Variants in SHISA6 observed in about 807,000 individuals in gnomAD.
The protein encoded by SHISA6 is shisa family member 6.
In SHISA6, 22 loss-of-function variants were observed where a neutral mutation model predicts 47.9. That is an observed-to-expected ratio of 0.46 (90% confidence interval 0.33 to 0.66). The LOEUF (loss-of-function observed/expected upper bound fraction) is 0.66, where lower values mean the gene tolerates loss of function less well. Ranked by LOEUF, SHISA6 falls within the 30% of genes least tolerant of loss-of-function variation. SHISA6 has a pLI of 0.02. For missense variants in SHISA6, 680 were observed against 764.6 expected, an observed-to-expected ratio of 0.89 and a Z score of 1.30; for synonymous variants, 388 against 337.8, an observed-to-expected ratio of 1.15 and a Z score of -1.63.
intron 3 of SHISA6, among the ~76,000 whole-genome samples, chr17:11,456,426 T>C (rs1176238915): frequency 6.6e-6 from 1 of 152,160 alleles, no homozygotes; most frequent in African/African-American, 2.4e-5. Flanking sequence ...CAAACAGAAA[T>C]AAGCAGAAAC....
At chr17:11,312,772 A>G (rs961626359) in intron 2 of SHISA6, among the ~76,000 whole-genome samples, 43 of 152,324 alleles carry the variant, frequency 2.8e-4, no homozygotes, top group Middle Eastern at 3.4e-3. Context: ...ATAATATGGA[A>G]TAAATGTATC....
In SHISA6 at chr17:11,509,315, C is replaced by T. The variant is rs187068188; in HGVS notation, c.896-42581C>T. On this transcript the variant is annotated intron_variant, in intron 3 of 5. Transcript: ENST00000441885. The stretch of plus-strand genomic sequence containing the variant: ...TCTGAGGAGATCCACTCAAAAAGTA[C>T]CTATGCATAGTCAACGACAGCATCA... Among the ~76,000 whole-genome samples, 12 of 152,336 alleles carry T rather than the reference C, an allele frequency of 7.9e-5. No homozygotes were observed. In the East Asian group the frequency reaches 2.3e-3, roughly 29 times the overall value.
At chr17:11,520,347 A>G (rs1436683492) in intron 3 of SHISA6, among the ~76,000 whole-genome samples, 1 of 152,158 alleles carries the variant, frequency 6.6e-6, no homozygotes, top group African/African-American at 2.4e-5. Flanking sequence ...TACACCCCAT[A>G]TATAATGCAT....
In SHISA6 at chr17:11,480,617, G is replaced by T. The variant is rs949950705; in HGVS notation, c.896-71279G>T. Among the ~76,000 whole-genome samples, 7 of 152,246 alleles carry T rather than the reference G, an allele frequency of 4.6e-5. No individual in the cohort carries two copies. In the South Asian group the frequency reaches 1.4e-3, roughly 32 times the overall value. The stretch of plus-strand genomic sequence containing the variant: ...ACTATGCTCCCCACATGGGTTCCAA[G>T]AAGAGACTAGACTCCCCCACATTGA... On this transcript the variant is annotated intron_variant, in intron 3 of 5. Transcript: ENST00000441885.
chr17:11,389,857 C>A (rs921549295), intron 3 of SHISA6, among the ~76,000 whole-genome samples: 2 of 152,138 alleles, frequency 1.3e-5, no homozygotes, highest in Non-Finnish European at 2.9e-5. Context: ...TGCTCACTGC[C>A]AAGAGTCTTA....
At chr17:11,303,251 G>A (rs538004332) in intron 2 of SHISA6, among the ~76,000 whole-genome samples, 1 of 151,748 alleles carries the variant, frequency 6.6e-6, no homozygotes, top group Non-Finnish European at 1.5e-5. Flanking sequence ...GAGTGTGGTT[G>A]TGTGATTGTG....
intron 2 of SHISA6, among the ~76,000 whole-genome samples, chr17:11,297,191 G>T (rs1567564397): frequency 6.6e-6 from 1 of 152,152 alleles, no homozygotes; most frequent in Non-Finnish European, 1.5e-5. Context: ...TTGCCATAGA[G>T]CTCCATCTAG....
At chr17:11,494,499 G>A (rs906938436) in intron 3 of SHISA6, among the ~76,000 whole-genome samples, 3 of 152,202 alleles carry the variant, frequency 2.0e-5, no homozygotes, top group African/African-American at 7.2e-5. Context: ...CAGTGAACAG[G>A]GAGCCTCAGA....
At chr17:11,451,396 T>C (rs1389848575) in intron 3 of SHISA6, among the ~76,000 whole-genome samples, 1 of 152,202 alleles carries the variant, frequency 6.6e-6, no homozygotes, top group Non-Finnish European at 1.5e-5. Flanking sequence ...GCTTTTAGCA[T>C]CTACTATGTG....
chr17:11,399,141 A>G (rs1913679632), intron 3 of SHISA6, among the ~76,000 whole-genome samples: 1 of 152,158 alleles, frequency 6.6e-6, no homozygotes, highest in Admixed American at 6.5e-5. Context: ...GGGCTGTCTG[A>G]TTATAATGTT....
chr17:11,493,561 G>A (rs2071383500), intron 3 of SHISA6, among the ~76,000 whole-genome samples: 1 of 140,082 alleles, frequency 7.1e-6, no homozygotes, highest in African/African-American at 2.6e-5. Context: ...TTGGTACCAT[G>A]TGGATACACG....
At chr17:11,257,148 C>G (rs1291972696) in intron 1 of SHISA6, among the ~76,000 whole-genome samples, 2 of 152,218 alleles carry the variant, frequency 1.3e-5, no homozygotes, top group South Asian at 2.1e-4. Context: ...TGTGCACACA[C>G]AAAGCCAGCA....
chr17:11,242,736 C>A (rs1440372176), intron 1 of SHISA6, among the ~76,000 whole-genome samples: 1 of 152,318 alleles, frequency 6.6e-6, no homozygotes, highest in East Asian at 1.9e-4. Context: ...CTGTGTTAAA[C>A]CTGGTGGGGC....
chr17:11,350,166 A>AT (rs1567581064), intron 2 of SHISA6, among the ~76,000 whole-genome samples: 1 of 110,912 alleles, frequency 9.0e-6, no homozygotes, highest in African/African-American at 3.6e-5. Flanking sequence ...TAATTTATTT[A>AT]TTTATTTATT....
At chr17:11,457,479 C>T (rs1915570394) in intron 3 of SHISA6, among the ~76,000 whole-genome samples, 2 of 151,820 alleles carry the variant, frequency 1.3e-5, no homozygotes, top group South Asian at 2.1e-4. Context: ...TGCCTGTAAT[C>T]CCAGCACTTT....
intron 2 of SHISA6, among the ~76,000 whole-genome samples, chr17:11,266,477 A>G (rs1908427932): frequency 1.3e-5 from 2 of 152,206 alleles, no homozygotes; most frequent in Admixed American, 6.5e-5. Flanking sequence ...GCATTGAAGT[A>G]TGTTCCTCAG....
intron 3 of SHISA6, among the ~76,000 whole-genome samples, chr17:11,481,336 A>ATGTGTG (rs3038693): frequency 4.0e-4 from 57 of 141,502 alleles, no homozygotes; most frequent in African/African-American, 1.3e-3. Context: ...AAAAATATAT[A>ATGTGTG]TGTGTGTGTG....
At chr17:11,459,811 T>C in intron 3 of SHISA6, among the ~76,000 whole-genome samples, 1 of 152,244 alleles carries the variant, frequency 6.6e-6, no homozygotes, top group Non-Finnish European at 1.5e-5. Flanking sequence ...GTTGGAGTTT[T>C]TGAAGCAATT....
intron 2 of SHISA6, among the ~76,000 whole-genome samples, chr17:11,274,432 C>G (rs1328452014): frequency 1.3e-5 from 2 of 152,140 alleles, no homozygotes; most frequent in Non-Finnish European, 2.9e-5. Flanking sequence ...GTGACAGGAG[C>G]GAGAGGGTGC....
Sources: allele counts gnomAD v4.1 joint callset (sites outside exome capture counted in the v4.1 genomes callset), GRCh38; gene constraint gnomAD v4.1.1; transcripts MANE v1.5; gene names NCBI Gene and HGNC (gene_info 2026-07-23, HGNC 2026-07-21).